The following ANKS1B variants were observed in gnomAD, a reference collection of about 807,000 sequenced individuals.
The protein encoded by ANKS1B is ankyrin repeat and sterile alpha motif domain-containing protein 1B.
ANKS1B carries 36 observed loss-of-function variants against 148.3 expected under a neutral mutation model. The ratio of observed to expected loss-of-function variants is 0.24; its 90% CI spans 0.19 to 0.32. ANKS1B has a LOEUF of 0.32. Among genes scored for constraint, ANKS1B ranks in the 10% least tolerant of loss-of-function variants. The pLI is 1.00. For missense variants in ANKS1B, 1,157 were observed against 1,542.6 expected, an observed-to-expected ratio of 0.75 and a Z score of 4.19; for synonymous variants, 542 against 560.8, an observed-to-expected ratio of 0.97 and a Z score of 0.47.
At chr12:98,968,051 A>T (rs1380562000) in intron 17 of ANKS1B, among the ~76,000 whole-genome samples, 1 of 152,152 alleles carries the variant, frequency 6.6e-6, no homozygotes, top group African/African-American at 2.4e-5. Flanking sequence ...GAAGACAGGG[A>T]AAGTACCAGT....
rs538758191 is a variant in ANKS1B at position 99,446,696 on chromosome 12, G to A, written c.1439-2887C>T. Among the ~76,000 whole-genome samples the A allele has an allele frequency of 5.3e-5, 8 of 152,112 alleles. No homozygotes were observed. The South Asian group carries it at 1.7e-3, about 32-fold the overall frequency. On this transcript the variant is annotated intron_variant, in intron 10 of 26. Coordinates refer to ENST00000683438, the MANE Select transcript of ANKS1B (RefSeq NM_001352186.2). ...GAAGAAGATCGGCATAGTTGAGGTA[G>A]GAGCACACTCTACTTCAAAATATAG...
chr12:99,404,375 G>A (rs1358430317), intron 11 of ANKS1B, among the ~76,000 whole-genome samples: 1 of 145,636 alleles, frequency 6.9e-6, no homozygotes, highest in Non-Finnish European at 1.5e-5. Flanking sequence ...GCTGCTTTGA[G>A]GAAACTCAAC....
At chr12:98,948,110 C>T (rs548215535) in intron 17 of ANKS1B, among the ~76,000 whole-genome samples, 1 of 152,200 alleles carries the variant, frequency 6.6e-6, no homozygotes, top group South Asian at 2.1e-4. Context: ...GCAGAACCTG[C>T]TGTTAGCCTC....
chr12:99,349,918 A>G, intron 12 of ANKS1B, among the ~76,000 whole-genome samples: 1 of 152,074 alleles, frequency 6.6e-6, no homozygotes, highest in South Asian at 2.1e-4. Flanking sequence ...AATGAATTGT[A>G]TAATTTAAAA....
intron 17 of ANKS1B, among the ~76,000 whole-genome samples, chr12:98,967,469 G>A (rs1013954915): frequency 6.6e-6 from 1 of 151,624 alleles, no homozygotes. Context: ...GGCTTTGGCT[G>A]GTATCTTAAT....
intron 1 of ANKS1B, among the ~76,000 whole-genome samples, chr12:99,855,872 A>C (rs1346691510): frequency 6.6e-6 from 1 of 152,172 alleles, no homozygotes; most frequent in Non-Finnish European, 1.5e-5. Flanking sequence ...GAATGATAAC[A>C]GTGACACAAC....
chr12:99,010,950 C>T (rs1237023793), intron 17 of ANKS1B, among the ~76,000 whole-genome samples: 2 of 148,838 alleles, frequency 1.3e-5, no homozygotes, highest in Admixed American at 1.3e-4. Context: ...ACCATATTGC[C>T]CAGGCTGGTC....
intron 10 of ANKS1B, among the ~76,000 whole-genome samples, chr12:99,476,170 ATTAC>A (rs1367358914): frequency 5.3e-5 from 8 of 152,302 alleles, no homozygotes; most frequent in Middle Eastern, 3.4e-3. Context: ...AGGCAAGCGG[ATTAC>A]TTGAGGTCAG....
chr12:99,765,934 T>G (rs58089117), intron 8 of ANKS1B, among the ~76,000 whole-genome samples: 1 of 152,088 alleles, frequency 6.6e-6, no homozygotes, highest in Non-Finnish European at 1.5e-5. Flanking sequence ...TGCTAGTAAA[T>G]TGCAGAACAG....
intron 15 of ANKS1B, among the ~76,000 whole-genome samples, chr12:99,147,892 G>C (rs1293857248): frequency 1.3e-5 from 2 of 151,940 alleles, no homozygotes; most frequent in Non-Finnish European, 2.9e-5. Flanking sequence ...ATTGTAAAGA[G>C]AGCTAAGAGA....
At chr12:99,437,459 T>A (rs955498670) in intron 11 of ANKS1B, among the ~76,000 whole-genome samples, 1 of 152,002 alleles carries the variant, frequency 6.6e-6, no homozygotes, top group African/African-American at 2.4e-5. Flanking sequence ...CTGTTCAATA[T>A]TGAGCCCATT....
Position 98,913,947 on chromosome 12 carries a change from G to A in ANKS1B, c.2779-81811C>T, listed in dbSNP as rs11609031. Among the ~76,000 whole-genome samples, 1,390 of 152,272 alleles carry A rather than the reference G, an allele frequency of 9.1e-3. 11 individuals carry two copies. Among genetic ancestry groups the A allele is most frequent in the Non-Finnish European group, 0.015 (1,005 of 68,018 alleles). On this transcript the variant is annotated intron_variant, in intron 17 of 26. Coordinates refer to ENST00000683438, the MANE Select transcript of ANKS1B (RefSeq NM_001352186.2). ...CTTCTTAGCAGTTTTCTTTATGTCAGTTAGGGGTATATCCGGGCCACCAGT... is the reference window on the plus strand; with the variant it reads ...CTTCTTAGCAGTTTTCTTTATGTCAATTAGGGGTATATCCGGGCCACCAGT...
intron 12 of ANKS1B, among the ~76,000 whole-genome samples, chr12:99,346,399 T>A (rs66507332): frequency 2.4e-3 from 333 of 139,380 alleles, no homozygotes; most frequent in African/African-American, 7.4e-3. Flanking sequence ...ACACACACAC[T>A]CTCTCTCTCT....
At chr12:99,564,528 A>G (rs1226850507) in intron 9 of ANKS1B, among the ~76,000 whole-genome samples, 2 of 152,076 alleles carry the variant, frequency 1.3e-5, no homozygotes, top group African/African-American at 2.4e-5. Context: ...TATGTATGAT[A>G]TATAAGATAA....
chr12:99,630,140 G>A (rs951855233), intron 9 of ANKS1B, among the ~76,000 whole-genome samples: 2 of 151,970 alleles, frequency 1.3e-5, no homozygotes, highest in African/African-American at 4.8e-5. Flanking sequence ...AAATAGCAGA[G>A]AAAAATATAG....
chr12:99,589,659 A>C (rs1234388105), intron 9 of ANKS1B, among the ~76,000 whole-genome samples: 1 of 152,216 alleles, frequency 6.6e-6, no homozygotes, highest in Non-Finnish European at 1.5e-5. Context: ...TTTCTGAGCA[A>C]ATATAATAAA....
rs372054332 is a variant in ANKS1B, at chr12:99,984,301, C to T, written c.-64G>A. ...TCGGGTCCTCCTCCCCACCCACCCCCACTCCCCAAAATCCAGGGCCCTCTT... is the reference window on the plus strand; with the variant it reads ...TCGGGTCCTCCTCCCCACCCACCCCTACTCCCCAAAATCCAGGGCCCTCTT... On this transcript the variant is annotated 5_prime_UTR_variant, in exon 1 of 27. Coordinates refer to ENST00000683438, the MANE Select transcript of ANKS1B (RefSeq NM_001352186.2). 2.0e-6 allele frequency: 3 copies of T among 1,486,352 alleles called. No homozygotes were observed. In the Admixed American group the frequency reaches 6.1e-5, roughly 30 times the overall value. The allele number at this position is 1,486,352 out of a possible 1,614,324, so 92.1% of individuals were successfully genotyped here.
intron 17 of ANKS1B, among the ~76,000 whole-genome samples, chr12:98,922,091 G>A (rs2099802178): frequency 6.6e-6 from 1 of 152,188 alleles, no homozygotes; most frequent in Non-Finnish European, 1.5e-5. Context: ...CAATTGCTGA[G>A]TGCTAGTGTA....
At chr12:99,690,306 C>T (rs1471629737) in intron 8 of ANKS1B, among the ~76,000 whole-genome samples, 1 of 152,106 alleles carries the variant, frequency 6.6e-6, no homozygotes, top group Admixed American at 6.6e-5. Flanking sequence ...ACCCCTGGCC[C>T]CTCCCAAATC....
Sources: gnomAD v4.1 joint callset for allele counts (sites outside exome capture counted in the v4.1 genomes callset) on GRCh38, gnomAD v4.1.1 for gene constraint, MANE v1.5 for transcripts, NCBI Gene and HGNC (gene_info 2026-07-23, HGNC 2026-07-21) for gene names.